Variants in SPTBN1 observed in about 807,000 individuals in gnomAD.
SPTBN1 encodes the protein spectrin beta chain, non-erythrocytic 1.
SPTBN1 carries 32 observed loss-of-function variants against 266.4 expected under a neutral mutation model. The ratio of observed to expected loss-of-function variants is 0.12; its 90% CI spans 0.09 to 0.16. The LOEUF is 0.16. SPTBN1 is among the 10% of genes least tolerant of loss of function. The pLI is 1.00. For synonymous variants in SPTBN1, 1,336 were observed against 1,162.2 expected (o/e 1.15, Z -3.04); for missense variants, 2,296 against 3,067.1 (o/e 0.75, Z 5.94).
chr2:54,485,846 C>G (rs374564979), intron 1 of SPTBN1, among the ~76,000 whole-genome samples: 3 of 151,528 alleles, frequency 2.0e-5, no homozygotes, highest in East Asian at 3.9e-4. Flanking sequence ...CCCCGCCGCC[C>G]TGTCTGGGAT....
chr2:54,534,045 T>G (rs1365813735), intron 2 of SPTBN1, among the ~76,000 whole-genome samples: 2 of 152,166 alleles, frequency 1.3e-5, no homozygotes, highest in Non-Finnish European at 2.9e-5. Flanking sequence ...CGTGGCTGCT[T>G]CATTTTCCAC....
chr2:54,483,525 C>T (rs757822285), intron 1 of SPTBN1, among the ~76,000 whole-genome samples: 11 of 152,232 alleles, frequency 7.2e-5, no homozygotes, highest in Non-Finnish European at 1.6e-4. Flanking sequence ...TGGAAGCCCG[C>T]AGTCTGGTCT....
Position 54,664,439 on chromosome 2 carries a change from T to C in SPTBN1, c.6421-14T>C. 1 of 1,605,190 alleles carries C rather than the reference T, an allele frequency of 6.2e-7. No homozygotes were observed. The highest frequency in any genetic ancestry group is 8.5e-7 in the Non-Finnish European group (1 of 1,172,692). On this transcript the variant is annotated splice_polypyrimidine_tract_variant and intron_variant, in intron 32 of 35. Transcript: ENST00000356805. This position sits in a 1 kb window ranked among gnomAD's most constrained non-coding sequence, Gnocchi z 5.6. ...CTCACGGAGTTAGCTGAATGGCCTC[T>C]CCGCTGTCCCTAGATGGCAGAAACG...
intron 2 of SPTBN1, among the ~76,000 whole-genome samples, chr2:54,552,419 TAAAAATTGGCAGAGCCA>T (rs1043025392): frequency 9.2e-5 from 14 of 152,078 alleles, no homozygotes; most frequent in Admixed American, 8.5e-4. Context: ...GAACCAAGGT[TAAAAATTGGCAGAGCCA>T]GCTTCTTAGG....
rs369163555 is a variant in SPTBN1, at chr2:54,631,263, C to T, written c.3216C>T (p.Asp1072=). 29 of 1,614,174 alleles carry T rather than the reference C, an allele frequency of 1.8e-5. No homozygotes were observed. Among genetic ancestry groups the T allele is most frequent in the South Asian group, 3.3e-5 (3 of 91,090 alleles). ...TGCAGCAGTTCCTACGGGACTTGGA[C>T]GACTTCCAGTCCTGGCTCTCTAGGA... ...SKLQQFLRDL[D]DFQSWLSRTQ... The change falls in exon 16 of 36, where the codon GAC becomes GAT. Residue 1072 remains aspartate, a synonymous_variant. Coordinates refer to ENST00000356805, the MANE Select transcript of SPTBN1 (RefSeq NM_003128.3).
In SPTBN1 at chr2:54,664,375, T is replaced by A; in HGVS notation, c.6421-78T>A. ...TGCCAGGCATTTATACACAGCCACA[T>A]GTGCGAGTCAGGTAGAGCGTATGTG... On this transcript the variant is annotated intron_variant, in intron 32 of 35. Coordinates refer to ENST00000356805, the MANE Select transcript of SPTBN1 (RefSeq NM_003128.3). This position sits in a 1 kb window ranked among gnomAD's most constrained non-coding sequence, Gnocchi z 5.6. 3 of 1,425,062 alleles carry A rather than the reference T, an allele frequency of 2.1e-6. No homozygotes were observed. The highest frequency in any genetic ancestry group is 1.3e-5 in the South Asian group (1 of 77,880). The allele number at this position is 1,425,062 out of a possible 1,614,324, so 88.3% of individuals were successfully genotyped here. A position where few individuals can be genotyped will look rare whatever the true frequency, so the allele number is the denominator to read the frequency against.
At chr2:54,548,042 C>T (rs1672352008) in intron 2 of SPTBN1, among the ~76,000 whole-genome samples, 1 of 152,136 alleles carries the variant, frequency 6.6e-6, no homozygotes, top group African/African-American at 2.4e-5. Flanking sequence ...ACTTGGGAGG[C>T]TGAGGCAGGA....
intron 18 of SPTBN1, 53 bp from the exon 19 acceptor site, chr2:54,642,930 A>G: frequency 6.3e-7 from 1 of 1,582,914 alleles, no homozygotes. Context: ...CCAGGCGGAA[A>G]AAAGGCTGAT....
At position 54,646,995 on chromosome 2, in the gene SPTBN1, C is replaced by G. The variant is rs1679967682; in HGVS notation, c.4867-136C>G. On this transcript the variant is annotated intron_variant, in intron 23 of 35. Coordinates refer to ENST00000356805, the MANE Select transcript of SPTBN1 (RefSeq NM_003128.3). The surrounding 1 kb of genome is among the most constrained non-coding windows in gnomAD (Gnocchi z 4.4). The stretch of plus-strand genomic sequence containing the variant: ...GCTCTTGGAACACTTCTGTGTTCCA[C>G]TGTCCGTACTGCACCTCTGGAGTTT... 7.9e-7 allele frequency: 1 copy of G among 1,266,478 alleles called. No individual in the cohort carries two copies. The highest frequency in any genetic ancestry group is 1.1e-6 in the Non-Finnish European group (1 of 919,824). 78.5% of individuals were successfully genotyped at this position (1,266,478 alleles called of 1,614,324 possible).
At chr2:54,524,716 G>A (rs535525517) in intron 1 of SPTBN1, among the ~76,000 whole-genome samples, 34 of 152,240 alleles carry the variant, frequency 2.2e-4, no homozygotes, top group Non-Finnish European at 4.1e-4. Context: ...ACTTGGGCTC[G>A]CCCACCTCCC....
intron 1 of SPTBN1, among the ~76,000 whole-genome samples, chr2:54,488,905 T>C (rs1668545635): frequency 1.3e-5 from 2 of 151,942 alleles, no homozygotes; most frequent in African/African-American, 4.8e-5. Context: ...AAATTAAGAG[T>C]ACAGTTATTA....
chr2:54,660,329 G>A (rs891700154), intron 32 of SPTBN1: 20 of 1,267,872 alleles, frequency 1.6e-5, no homozygotes, highest in South Asian at 6.7e-5. Flanking sequence ...ATTTTACAGC[G>A]AAACCCTTAC....
Position 54,568,474 on chromosome 2 carries a change from G to T in SPTBN1, c.149-30618G>T, listed in dbSNP as rs890277371. Among the ~76,000 whole-genome samples the T allele has an allele frequency of 2.7e-5, 4 of 150,912 alleles. No individual in the cohort carries two copies. In the East Asian group the frequency reaches 5.8e-4, roughly 22 times the overall value. ...AAATGGAGGAGTTTTTGGTTTTTTT[G>T]AATAAACTGGATTATTTTAACTAAA... On this transcript the variant is annotated intron_variant, in intron 2 of 35. Transcript: ENST00000356805.
intron 31 of SPTBN1, 79 bp from the exon 32 acceptor site, chr2:54,659,857 G>C: frequency 6.6e-7 from 1 of 1,521,624 alleles, no homozygotes; most frequent in Non-Finnish European, 8.8e-7. Context: ...GAGTGATGAT[G>C]TTCTCCCACC....
chr2:54,558,449 A>C lies in SPTBN1; in HGVS notation c.148+31883A>C. ...GCTCGGCAACCGTGGCATGCTTAGG[A>C]TTGGCCATATTTAAAAGTTCTGAAG... On this transcript the variant is annotated intron_variant, in intron 2 of 35. Coordinates refer to ENST00000356805, the MANE Select transcript of SPTBN1 (RefSeq NM_003128.3). The surrounding 1 kb of genome is among the most constrained non-coding windows in gnomAD (Gnocchi z 4.6). The C allele has an allele frequency of 9.6e-6, 10 of 1,043,436 alleles. No individual in the cohort carries two copies. Among genetic ancestry groups the C allele is most frequent in the South Asian group, 3.9e-5 (1 of 25,682 alleles). The allele number at this position is 1,043,436 out of a possible 1,614,324, so 64.6% of individuals were successfully genotyped here. A position where few individuals can be genotyped will look rare whatever the true frequency, so the allele number is the denominator to read the frequency against.
At chr2:54,594,829 G>GTTTTTTTTTTTT (rs566074908) in intron 2 of SPTBN1, among the ~76,000 whole-genome samples, 3 of 46,378 alleles carry the variant, frequency 6.5e-5, no homozygotes, top group Admixed American at 2.2e-4. Context: ...CCTCTGGTAA[G>GTTTTTTTTTTTT]TTTCTTTTTT....
intron 1 of SPTBN1, among the ~76,000 whole-genome samples, chr2:54,464,387 GTAA>G (rs1693521134): frequency 1.3e-5 from 2 of 152,176 alleles, no homozygotes; most frequent in South Asian, 4.1e-4. Flanking sequence ...GAAGATGCCG[GTAA>G]TACAGGGGTT....
chr2:54,599,291 T>G, intron 3 of SPTBN1, 48 bp downstream of exon 3: 1 of 1,594,850 alleles, frequency 6.3e-7, no homozygotes, highest in Non-Finnish European at 8.5e-7. Flanking sequence ...TGGAAAATAT[T>G]TTTGAAAAAT....
At chr2:54,587,354 A>G (rs1675362136) in intron 2 of SPTBN1, among the ~76,000 whole-genome samples, 1 of 152,218 alleles carries the variant, frequency 6.6e-6, no homozygotes, top group East Asian at 1.9e-4. Context: ...TTGCAATTAT[A>G]CTACTTTCAT....
Sources: allele counts gnomAD v4.1 joint callset (sites outside exome capture counted in the v4.1 genomes callset), GRCh38; gene constraint gnomAD v4.1.1; non-coding constraint Gnocchi (gnomAD v3.1); transcripts MANE v1.5; gene names NCBI Gene and HGNC (gene_info 2026-07-23, HGNC 2026-07-21).